RBP4: variants seen among roughly 807,000 people sequenced by gnomAD.
RBP4 encodes the protein retinol-binding protein 4.
In RBP4, 9 loss-of-function variants were observed where a neutral mutation model predicts 26.2. The ratio of observed to expected loss-of-function variants is 0.34; its 90% CI spans 0.21 to 0.60. The LOEUF (loss-of-function observed/expected upper bound fraction) is 0.60. RBP4 is among the 20% of genes least tolerant of loss of function. The pLI is 0.80. For synonymous variants in RBP4, 114 were observed against 111.0 expected, an observed-to-expected ratio of 1.03 and a Z score of -0.17; for missense variants, 244 against 271.3, an observed-to-expected ratio of 0.90 and a Z score of 0.71.
intron 4 of RBP4, among the ~76,000 whole-genome samples, chr10:93,595,997 G>C (rs1589684939): frequency 6.6e-6 from 1 of 152,132 alleles, no homozygotes; most frequent in East Asian, 1.9e-4. Context: ...TGCCTGCTGG[G>C]CCTCACCCTA....
In RBP4 at chr10:93,600,703, A is replaced by ATCTGGCCGG. The variant is rs1327758626; in HGVS notation, c.203_211dup (p.Thr68_Gln70dup). 1 of 1,610,726 alleles carries ATCTGGCCGG rather than the reference A, an allele frequency of 6.2e-7. No homozygotes were observed. Among genetic ancestry groups the ATCTGGCCGG allele is most frequent in the African/African-American group, 1.3e-5 (1 of 74,892 alleles). ...GACTCGGCCCTTGGCTGTGGCGCTCATCTGGCCGGTCTCGTCCACGGAGAA... is the reference window on the plus strand; with the variant it reads ...GACTCGGCCCTTGGCTGTGGCGCTCATCTGGCCGGTCTGGCCGGTCTCGTCCACGGAGAA... On this transcript the variant is annotated inframe_insertion, in exon 3 of 6. Coordinates refer to ENST00000371464, the MANE Select transcript of RBP4 (RefSeq NM_006744.4).
chr10:93,599,172 C>A (rs1192961127), intron 4 of RBP4, among the ~76,000 whole-genome samples: 1 of 151,802 alleles, frequency 6.6e-6, no homozygotes, highest in Admixed American at 6.6e-5. Context: ...TGGCTTGAGC[C>A]CAGGAGGTTG....
chr10:93,597,404 C>T (rs1444299829), intron 4 of RBP4, among the ~76,000 whole-genome samples: 1 of 152,246 alleles, frequency 6.6e-6, no homozygotes, highest in Non-Finnish European at 1.5e-5. Context: ...TTACTATGCA[C>T]TAGGCTAAGC....
rs1379266464 is a variant in RBP4 at position 93,591,739 on chromosome 10, G to C, written c.*336C>G. On this transcript the variant is annotated 3_prime_UTR_variant, in exon 6 of 6. Transcript: ENST00000371464. Reference sequence around the variant, plus strand: ...ATAATGGAGATTAGGCACTAGAACAGGCCAAAGGTCAGAAAGAGCCACGTG... The same window carrying C: ...ATAATGGAGATTAGGCACTAGAACACGCCAAAGGTCAGAAAGAGCCACGTG... The C allele has an allele frequency of 3.1e-6, 1 of 318,010 alleles. No homozygotes were observed. The highest frequency in any genetic ancestry group is 5.9e-6 in the Non-Finnish European group (1 of 169,746). The allele number at this position is 318,010 out of a possible 1,614,324, so 19.7% of individuals were successfully genotyped here. A position where few individuals can be genotyped will look rare whatever the true frequency, so the allele number is the denominator to read the frequency against.
intron 4 of RBP4, among the ~76,000 whole-genome samples, chr10:93,597,397 C>G (rs554419198): frequency 6.6e-6 from 1 of 152,330 alleles, no homozygotes; most frequent in Non-Finnish European, 1.5e-5. Flanking sequence ...TGAGCACTTA[C>G]TATGCACTAG....
Position 93,593,983 on chromosome 10 carries a change from G to A in RBP4, c.408C>T (p.Tyr136=), listed in dbSNP as rs915432840. 11 of 1,613,836 alleles carry A rather than the reference G, an allele frequency of 6.8e-6. No individual in the cohort carries two copies. Among genetic ancestry groups the A allele is most frequent in the East Asian group, 4.5e-5 (2 of 44,882 alleles). ...CATCGAGGTTCAGGAGGCGGCAGGAGTACTGCACGGCATACGTGTCGTAGT... is the reference window on the plus strand; with the variant it reads ...CATCGAGGTTCAGGAGGCGGCAGGAATACTGCACGGCATACGTGTCGTAGT... The part of the protein sequence containing the change: ...DTDYDTYAVQ[Y]SCRLLNLDGT... The change falls in exon 5 of 6, where the codon TAC becomes TAT. Residue 136 remains tyrosine (Y), a synonymous_variant. Transcript: ENST00000371464.
At chr10:93,593,254 G>C (rs1307012385) in intron 5 of RBP4, among the ~76,000 whole-genome samples, 1 of 152,212 alleles carries the variant, frequency 6.6e-6, no homozygotes, top group Non-Finnish European at 1.5e-5. Flanking sequence ...ATCAAGATCA[G>C]ACAAGGGTAA....
rs759820276 is a variant in RBP4 at position 93,600,920 on chromosome 10, G to C, written c.109C>G (p.Arg37Gly). 81 of 1,612,306 alleles carry C rather than the reference G, an allele frequency of 5.0e-5. No homozygotes were observed. Among genetic ancestry groups the C allele is most frequent in the Non-Finnish European group, 6.5e-5 (77 of 1,179,764 alleles). The change falls in exon 2 of 6, where the codon CGC (arginine) becomes GGC (glycine). Residue 37 changes from arginine to glycine, a missense_variant and splice_region_variant. Transcript: ENST00000371464. The part of the protein sequence containing the change: ...FRVKENFDKA[R>G]FSGTWYAMAK... ...GGGCCCCCTGGGCCGATACCTACGC[G>C]AGCCTTGTCGAAGTTCTCCTTGACT...
chr10:93,596,177 T>G (rs1463988578), intron 4 of RBP4, among the ~76,000 whole-genome samples: 1 of 151,656 alleles, frequency 6.6e-6, no homozygotes, highest in African/African-American at 2.4e-5. Context: ...AGGCAGCTAT[T>G]AGCTTGGCCG....
At chr10:93,596,188 A>G (rs1482708114) in intron 4 of RBP4, among the ~76,000 whole-genome samples, 2 of 149,812 alleles carry the variant, frequency 1.3e-5, no homozygotes, top group Non-Finnish European at 3.0e-5. Context: ...AGCTTGGCCG[A>G]TCGGCAGCTT....
intron 4 of RBP4, among the ~76,000 whole-genome samples, chr10:93,598,025 G>A (rs891548781): frequency 8.5e-5 from 13 of 152,228 alleles, no homozygotes; most frequent in African/African-American, 3.1e-4. Context: ...GGCATTGTTT[G>A]TGCCTTTTTA....
chr10:93,601,349 C>T, upstream of RBP4: 1 of 1,242,360 alleles, frequency 8.0e-7, no homozygotes, highest in Non-Finnish European at 1.0e-6. Flanking sequence ...TTGCATAACG[C>T]GCCCTGACTC....
intron 3 of RBP4, 30 bp from the exon 4 acceptor site, chr10:93,600,529 G>A: frequency 6.2e-7 from 1 of 1,613,400 alleles, no homozygotes; most frequent in South Asian, 1.1e-5. Context: ...CCTCAGCCAA[G>A]CCGGGCAAAG....
intron 5 of RBP4, 94 bp from the exon 6 acceptor site, chr10:93,592,206 T>C: frequency 1.9e-6 from 2 of 1,051,760 alleles, no homozygotes; most frequent in Non-Finnish European, 3.0e-6. Context: ...GCTGGCTTCA[T>C]TCAAATGCTT....
At chr10:93,594,603 T>C (rs1400598705) in intron 4 of RBP4, among the ~76,000 whole-genome samples, 1 of 152,232 alleles carries the variant, frequency 6.6e-6, no homozygotes, top group African/African-American at 2.4e-5. Flanking sequence ...TGCTTATTAA[T>C]GCTACTCACT....
upstream of RBP4, chr10:93,601,252 C>T: frequency 8.2e-7 from 1 of 1,222,280 alleles, no homozygotes; most frequent in Non-Finnish European, 1.0e-6. Flanking sequence ...GCCGCGGCCG[C>T]CCCGCTGCTT....
intron 4 of RBP4, among the ~76,000 whole-genome samples, chr10:93,594,862 G>A (rs36077620): frequency 0.18 from 27,360 of 152,182 alleles, 2,598 homozygotes; most frequent in South Asian, 0.34. Flanking sequence ...ATGTGTGGCC[G>A]GGCACCATGG....
chr10:93,600,862 A>T (rs1460947342), intron 2 of RBP4, 56 bp downstream of exon 2: 31 of 439,602 alleles, frequency 7.1e-5, no homozygotes, highest in East Asian at 2.5e-4. Context: ...GGCCGCGGGG[A>T]GGGCGGGGAT....
upstream of RBP4, chr10:93,601,629 C>A (rs560353785): frequency 2.6e-6 from 2 of 771,274 alleles, no homozygotes; most frequent in South Asian, 1.4e-5. Context: ...CTCCCTGGTG[C>A]GTGAGTGCCC....
Sources: gnomAD v4.1 joint callset for allele counts (sites outside exome capture counted in the v4.1 genomes callset) on GRCh38, gnomAD v4.1.1 for gene constraint, MANE v1.5 for transcripts, NCBI Gene and HGNC (gene_info 2026-07-23, HGNC 2026-07-21) for gene names.